Variants in SOAT2 observed in about 807,000 individuals in gnomAD.
SOAT2 encodes the protein ACAT-2.
A neutral mutation model predicts 76.0 loss-of-function variants in SOAT2; 87 were observed. The observed-to-expected ratio is 1.14, with a 90% CI of 0.96 to 1.37. The LOEUF (loss-of-function observed/expected upper bound fraction) is 1.37, where lower values mean the gene tolerates loss of function less well. Among genes scored for constraint, SOAT2 ranks in the 40% most tolerant of loss-of-function variants. The pLI, the probability that SOAT2 is intolerant of heterozygous loss-of-function variation, is 0.00. For synonymous variants in SOAT2, 285 were observed against 275.4 expected (o/e 1.03, Z -0.34); for missense variants, 686 against 682.1 (o/e 1.01, Z -0.06).
Position 53,115,629 on chromosome 12 carries a change from C to T in SOAT2, c.683C>T (p.Ser228Phe), listed in dbSNP as rs1412146024. The change falls in exon 6 of 15, where the codon TCC (serine) becomes TTC (phenylalanine). Residue 228 changes from serine to phenylalanine, a missense_variant. By Grantham distance (155) the Ser-to-Phe change is radical. Coordinates refer to ENST00000301466, the MANE Select transcript of SOAT2 (RefSeq NM_003578.4). The part of the protein sequence containing the change: ...VAVEHQLPPA[S>F]RCVLVFEQVR... ...GTGGAGCATCAGCTCCCGCCGGCCTCCCGTTGTGTCCTGGTCTTCGAGCAG... is the reference window on the plus strand; with the variant it reads ...GTGGAGCATCAGCTCCCGCCGGCCTTCCGTTGTGTCCTGGTCTTCGAGCAG... 1.3e-6 allele frequency: 2 copies of T among 1,550,414 alleles called. No homozygotes were observed. Among genetic ancestry groups the T allele is most frequent in the Non-Finnish European group, 1.7e-6 (2 of 1,154,590 alleles).
At chr12:53,105,744 A>G in intron 4 of SOAT2, 124 bp downstream of exon 4, 1 of 1,033,608 alleles carries the variant, frequency 9.7e-7, no homozygotes, top group East Asian at 2.7e-5. Context: ...AGGGTTTCTA[A>G]GGTGCAGGTC....
At chr12:53,119,985 C>G (rs1938166102) in intron 10 of SOAT2, among the ~76,000 whole-genome samples, 1 of 152,192 alleles carries the variant, frequency 6.6e-6, no homozygotes, top group South Asian at 2.1e-4. Context: ...ATCTCTATCA[C>G]CAACATCTGG....
intron 5 of SOAT2, among the ~76,000 whole-genome samples, chr12:53,114,794 A>T (rs1938077652): frequency 6.6e-6 from 1 of 152,238 alleles, no homozygotes; most frequent in African/African-American, 2.4e-5. Flanking sequence ...AGATAGGTAC[A>T]TTGTGGAGGT....
chr12:53,124,019 T>C (rs1362874658), intron 14 of SOAT2, 54 bp from the exon 15 acceptor site: 4 of 1,610,416 alleles, frequency 2.5e-6, no homozygotes, highest in Non-Finnish European at 3.4e-6. Flanking sequence ...CTTGGATGCA[T>C]GGGTTGAGTC....
intron 7 of SOAT2, 118 bp from the exon 8 acceptor site, chr12:53,118,232 C>CA: frequency 2.1e-6 from 1 of 467,750 alleles, no homozygotes; most frequent in Non-Finnish European, 3.9e-6. Context: ...TTGCTTATCC[C>CA]CCACCCCCAC....
chr12:53,111,603 T>C (rs1938013399), intron 5 of SOAT2, among the ~76,000 whole-genome samples: 1 of 152,250 alleles, frequency 6.6e-6, no homozygotes. Context: ...CATTCTGTTT[T>C]GGGCTGAGTT....
intron 5 of SOAT2, among the ~76,000 whole-genome samples, chr12:53,112,779 C>CT (rs71095978): frequency 0.09 from 11,347 of 125,692 alleles, 1,589 homozygotes; most frequent in African/African-American, 0.3. Flanking sequence ...TTTTTCTTTC[C>CT]TTTTTTTTTT....
rs922722134 is a variant in SOAT2, at chr12:53,120,786, G to C, written c.1040G>C (p.Gly347Ala). Reference protein sequence around the residue: ...VLSILHATLPGIFMLLLIFFA... With the variant: ...VLSILHATLPAIFMLLLIFFA... The stretch of plus-strand genomic sequence containing the variant: ...GCAGCCTCTTGTCCCCAACCACCAG[G>C]CATCTTCATGCTGCTGCTCATCTTC... Residue 347 changes from glycine (G) to alanine (A), a missense_variant and splice_region_variant, in exon 11 of 15, where the codon GGC (glycine) becomes GCC (alanine). By Grantham distance (60) the Gly-to-Ala change is moderately conservative. Transcript: ENST00000301466. The C allele has an allele frequency of 1.5e-5, 24 of 1,612,928 alleles. No individual in the cohort carries two copies. The highest frequency in any genetic ancestry group is 2.0e-5 in the Non-Finnish European group (23 of 1,179,094).
At chr12:53,114,965 G>A (rs1295889847) in intron 5 of SOAT2, among the ~76,000 whole-genome samples, 1 of 152,128 alleles carries the variant, frequency 6.6e-6, no homozygotes, top group Non-Finnish European at 1.5e-5. Context: ...GGACACTTAG[G>A]TTGTTTTCAG....
In SOAT2 at chr12:53,118,900, G is replaced by T; in HGVS notation, c.874G>T (p.Val292Phe). ...CCATTGCCGCTGCAGGACGCCCTAT[G>T]TCAGGTGGAATTATGTGGCCAAGAA... Reference protein sequence around the residue: ...YRETYPRTPYVRWNYVAKNFA... With the variant: ...YRETYPRTPYFRWNYVAKNFA... The change falls in exon 9 of 15, where the codon GTC becomes TTC. Residue 292 changes from valine (V) to phenylalanine (F), a missense_variant. Val to Phe is a conservative substitution (Grantham distance 50). Coordinates refer to ENST00000301466, the MANE Select transcript of SOAT2 (RefSeq NM_003578.4). 6.2e-7 allele frequency: 1 copy of T among 1,614,138 alleles called. No homozygotes were observed. The highest frequency in any genetic ancestry group is 1.1e-5 in the South Asian group (1 of 91,084).
intron 2 of SOAT2, 95 bp from the exon 3 acceptor site, chr12:53,105,012 G>A: frequency 4.8e-6 from 6 of 1,253,530 alleles, no homozygotes; most frequent in Non-Finnish European, 6.4e-6. Context: ...AAAAAGCACT[G>A]TGCCTGGCAT....
intron 4 of SOAT2, 57 bp downstream of exon 4, chr12:53,105,677 C>A: frequency 6.8e-7 from 1 of 1,477,092 alleles, no homozygotes; most frequent in South Asian, 1.2e-5. Flanking sequence ...GGCTAGGGGT[C>A]AAGGTACCTC....
chr12:53,116,009 C>T, intron 6 of SOAT2, 88 bp from the exon 7 acceptor site: 1 of 1,159,088 alleles, frequency 8.6e-7, no homozygotes, highest in Non-Finnish European at 1.3e-6. Context: ...CTCTGCCTGC[C>T]TCTCAGAGGT....
chr12:53,106,918 C>T (rs184634456), intron 5 of SOAT2, among the ~76,000 whole-genome samples: 8 of 152,142 alleles, frequency 5.3e-5, no homozygotes, highest in African/African-American at 1.7e-4. Flanking sequence ...TGCTAAATAA[C>T]GGAGGTTTGG....
In SOAT2 at chr12:53,105,093, G is replaced by A. The variant is rs1334794312; in HGVS notation, c.139-14G>A. On this transcript the variant is annotated splice_polypyrimidine_tract_variant and intron_variant, in intron 2 of 14. Coordinates refer to ENST00000301466, the MANE Select transcript of SOAT2 (RefSeq NM_003578.4). The stretch of plus-strand genomic sequence containing the variant: ...TGGAGGGACAGTGGGCTCTACCCTG[G>A]CTTTGTCCCGTAGGCTGTGAAGGCA... 1.3e-6 allele frequency: 2 copies of A among 1,553,534 alleles called. No homozygotes were observed. The highest frequency in any genetic ancestry group is 2.7e-5 in the African/African-American group (2 of 73,140).
rs565934099 is a variant in SOAT2, at chr12:53,115,533, C to T, written c.587C>T (p.Ala196Val). 2 of 1,602,636 alleles carry T rather than the reference C, an allele frequency of 1.2e-6. No individual in the cohort carries two copies. The highest frequency in any genetic ancestry group is 1.7e-6 in the Non-Finnish European group (2 of 1,178,438). ...RLWARGTWTQ[A>V]TGLGCALLAA... ...TGGGCCAGGGGCACCTGGACGCAGG[C>T]GACGGGCCTGGGCTGTGCGCTGCTA... Residue 196 changes from alanine (A) to valine (V), a missense_variant, in exon 6 of 15, where the codon GCG (alanine) becomes GTG (valine). By Grantham distance (64) the Ala-to-Val change is moderately conservative. Transcript: ENST00000301466.
chr12:53,124,530 TATTC>T (rs34506725), exon 15 of SOAT2: 6,756 of 182,112 alleles, frequency 0.037, 293 homozygotes, highest in African/African-American at 0.12. Context: ...TCTCCCTTTT[TATTC>T]ATTCATTCAT....
rs753341909 is a variant in SOAT2 at position 53,118,332 on chromosome 12, C to A, written c.779-18C>A. 33 of 1,584,214 alleles carry A rather than the reference C, an allele frequency of 2.1e-5. No individual in the cohort carries two copies. The highest frequency in any genetic ancestry group is 2.8e-5 in the Non-Finnish European group (32 of 1,153,296). On this transcript the variant is annotated intron_variant, in intron 7 of 14. Coordinates refer to ENST00000301466, the MANE Select transcript of SOAT2 (RefSeq NM_003578.4). ...CTGCCCTTGCCCTTACTAATCCACC[C>A]CTCTCATTCCTCCCCAGGTGAGGGG...
intron 4 of SOAT2, 63 bp downstream of exon 4, chr12:53,105,683 A>G (rs1162976655): frequency 2.1e-6 from 3 of 1,452,194 alleles, no homozygotes; most frequent in Non-Finnish European, 2.9e-6. Flanking sequence ...GGGTCAAGGT[A>G]CCTCATTTCT....
Sources: allele counts gnomAD v4.1 joint callset (sites outside exome capture counted in the v4.1 genomes callset), GRCh38; gene constraint gnomAD v4.1.1; transcripts MANE v1.5; gene names NCBI Gene and HGNC (gene_info 2026-07-23, HGNC 2026-07-21).